Variants in MYO3B observed in about 807,000 individuals in gnomAD.
MYO3B encodes myosin IIIB.
MYO3B carries 156 observed loss-of-function variants against 174.6 expected under a neutral mutation model. That is an observed-to-expected ratio of 0.89 (90% CI 0.78 to 1.02). The LOEUF is 1.02. MYO3B is among the 50% of genes least tolerant of loss of function. The probability of loss-of-function intolerance (pLI) is 0.00; values close to 1 mark genes in which losing one functional copy is unlikely to be tolerated. For synonymous variants in MYO3B, 563 were observed against 569.1 expected (o/e 0.99, Z 0.15); for missense variants, 1,632 against 1,639.4 (o/e 1.00, Z 0.08).
chr2:170,378,995 G>C (rs1298658540), intron 9 of MYO3B, among the ~76,000 whole-genome samples: 1 of 152,156 alleles, frequency 6.6e-6, no homozygotes, highest in Non-Finnish European at 1.5e-5. Context: ...TCTGACAAGG[G>C]TATTTAGTTG....
Position 170,400,240 on chromosome 2 carries a change from T to G in MYO3B, c.1844T>G (p.Ile615Ser). The G allele has an allele frequency of 6.2e-7, 1 of 1,613,932 alleles. No homozygotes were observed. The highest frequency in any genetic ancestry group is 8.5e-7 in the Non-Finnish European group (1 of 1,179,908). Reference sequence around the variant, plus strand: ...GCTGGGATTTTGAATATTGGGAACATTGAGTTCGCAGCTATTTCCTCTCAA... The same window carrying G: ...GCTGGGATTTTGAATATTGGGAACAGTGAGTTCGCAGCTATTTCCTCTCAA... ...ILAGILNIGN[I>S]EFAAISSQHQ... The change falls in exon 17 of 35, where the codon ATT becomes AGT. Residue 615 changes from isoleucine to serine, a missense_variant. By Grantham distance (142) the Ile-to-Ser change is moderately radical (BLOSUM62 -2). Transcript: ENST00000408978.
chr2:170,642,872 T>C (rs1396621756), intron 32 of MYO3B, among the ~76,000 whole-genome samples: 1 of 152,186 alleles, frequency 6.6e-6, no homozygotes, highest in African/African-American at 2.4e-5. Context: ...CAAGGCATAT[T>C]AGGGACAAGG....
At chr2:170,583,493 G>C (rs572668579) in intron 32 of MYO3B, among the ~76,000 whole-genome samples, 97 of 152,172 alleles carry the variant, frequency 6.4e-4, no homozygotes, top group African/African-American at 2.1e-3. Context: ...AGGGCCACTG[G>C]TCTGTATTCA....
At chr2:170,600,426 T>C (rs1183982015) in intron 32 of MYO3B, among the ~76,000 whole-genome samples, 1 of 152,138 alleles carries the variant, frequency 6.6e-6, no homozygotes. Flanking sequence ...TAAAGAAAAA[T>C]CATTCAAATA....
intron 7 of MYO3B, among the ~76,000 whole-genome samples, chr2:170,262,373 G>A (rs1218325528): frequency 6.6e-6 from 1 of 152,136 alleles, no homozygotes; most frequent in East Asian, 1.9e-4. Context: ...CCATTGGGTG[G>A]GACTCTGGGG....
intron 32 of MYO3B, among the ~76,000 whole-genome samples, chr2:170,551,349 ATTATTTAT>A (rs57845643): frequency 1.1e-4 from 16 of 142,320 alleles, no homozygotes; most frequent in East Asian, 4.0e-4. Context: ...ATTTAATTTA[ATTATTTAT>A]TTATTTATTT....
intron 32 of MYO3B, among the ~76,000 whole-genome samples, chr2:170,620,374 G>C (rs1309629983): frequency 6.6e-6 from 1 of 152,196 alleles, no homozygotes. Flanking sequence ...GCCTGAGCTG[G>C]AATGTCAGCT....
At chr2:170,636,957 C>CGCGTGTGT (rs1553546021) in intron 32 of MYO3B, among the ~76,000 whole-genome samples, 4 of 146,576 alleles carry the variant, frequency 2.7e-5, no homozygotes, top group African/African-American at 1.0e-4. Context: ...TGCTTTTGTG[C>CGCGTGTGT]GTGTGTGTGT....
At chr2:170,520,314 A>C (rs1235334756) in intron 30 of MYO3B, among the ~76,000 whole-genome samples, 2 of 151,998 alleles carry the variant, frequency 1.3e-5, no homozygotes, top group Non-Finnish European at 1.5e-5. Context: ...ACAGCCAGGC[A>C]TGGTGGTATG....
Position 170,482,311 on chromosome 2 carries a change from T to A in MYO3B, c.3014+15600T>A, listed in dbSNP as rs138357180. Among the ~76,000 whole-genome samples the A allele has an allele frequency of 1.2e-3, 189 of 152,272 alleles. 3 individuals are homozygous for A. The highest frequency in any genetic ancestry group is 4.4e-3 in the African/African-American group (182 of 41,560). ...CTGGGATTACAGGTGCGCACCACCA[T>A]GCCTAACTAATTTTTGTGTTTTTAG... On this transcript the variant is annotated intron_variant, in intron 25 of 34. Transcript: ENST00000408978.
At chr2:170,441,426 G>C (rs968079122) in intron 22 of MYO3B, among the ~76,000 whole-genome samples, 2 of 152,192 alleles carry the variant, frequency 1.3e-5, no homozygotes, top group Non-Finnish European at 2.9e-5. Context: ...TCCCAATCCA[G>C]ATCCCAAGAG....
chr2:170,251,311 A>G (rs1300885247), intron 7 of MYO3B, among the ~76,000 whole-genome samples: 1 of 152,160 alleles, frequency 6.6e-6, no homozygotes, highest in Non-Finnish European at 1.5e-5. Context: ...ACAGTTAATA[A>G]AAACAAATAA....
At chr2:170,512,284 C>T (rs1294090874) in intron 28 of MYO3B, among the ~76,000 whole-genome samples, 1 of 152,086 alleles carries the variant, frequency 6.6e-6, no homozygotes, top group African/African-American at 2.4e-5. Context: ...TTTCTTGGTG[C>T]TGCTTTTGGT....
intron 32 of MYO3B, among the ~76,000 whole-genome samples, chr2:170,601,336 G>A (rs1217199113): frequency 6.6e-6 from 1 of 152,100 alleles, no homozygotes; most frequent in Non-Finnish European, 1.5e-5. Flanking sequence ...AATTTGTGCT[G>A]TGCACCAACA....
At chr2:170,639,980 G>A (rs747643246) in intron 32 of MYO3B, among the ~76,000 whole-genome samples, 9 of 152,274 alleles carry the variant, frequency 5.9e-5, no homozygotes, top group Admixed American at 1.3e-4. Context: ...TAGAGCTTCC[G>A]CCATCCAGAA....
intron 32 of MYO3B, among the ~76,000 whole-genome samples, chr2:170,649,169 A>ATATATTATATATAAAATAATATATAT (rs1559201427): frequency 1.6e-5 from 1 of 61,014 alleles, no homozygotes; most frequent in East Asian, 4.4e-4. Flanking sequence ...ATAATATATA[A>ATATATTATATATAAAATAATATATAT]TATATTATAT....
intron 29 of MYO3B, among the ~76,000 whole-genome samples, chr2:170,518,521 C>T (rs1426587910): frequency 6.6e-6 from 1 of 152,108 alleles, no homozygotes; most frequent in Non-Finnish European, 1.5e-5. Flanking sequence ...ATGGCAGTTC[C>T]CATCCCAGAT....
rs531464843 is a variant in MYO3B at position 170,554,407 on chromosome 2, T to TA, written c.3733+10420dup. On this transcript the variant is annotated intron_variant, in intron 32 of 34. Transcript: ENST00000408978. ...CTCCACCCTCAGCCAGCTGAATCAA[T>TA]AGCAAGATTCTGACTCTATTGGAGG... Among the ~76,000 whole-genome samples, 65 of 152,280 alleles carry TA rather than the reference T, an allele frequency of 4.3e-4. 1 individual carries two copies. Among genetic ancestry groups the TA allele is most frequent in the Non-Finnish European group, 4.0e-4 (27 of 68,032 alleles).
At chr2:170,384,877 G>C (rs189548882) in intron 12 of MYO3B, among the ~76,000 whole-genome samples, 2 of 152,242 alleles carry the variant, frequency 1.3e-5, no homozygotes, top group East Asian at 1.9e-4. Flanking sequence ...TAAGCGATTA[G>C]TGCCACAAGA....
Sources: gnomAD v4.1 joint callset for allele counts (sites outside exome capture counted in the v4.1 genomes callset) on GRCh38, gnomAD v4.1.1 for gene constraint, MANE v1.5 for transcripts, NCBI Gene and HGNC (gene_info 2026-07-23, HGNC 2026-07-21) for gene names.